The following CAST variants were observed in gnomAD, a reference collection of about 807,000 sequenced individuals.
CAST encodes MIR583 host.
A neutral mutation model predicts 119.6 loss-of-function variants in CAST; 76 were observed. The ratio of observed to expected loss-of-function variants is 0.64; its 90% CI spans 0.53 to 0.77. CAST has a LOEUF of 0.77. Among genes scored for constraint, CAST ranks in the 30% least tolerant of loss-of-function variants. The pLI is 0.00. For synonymous variants in CAST, 319 were observed against 331.6 expected (o/e 0.96, Z 0.41); for missense variants, 953 against 946.5 (o/e 1.01, Z -0.09).
At chr5:96,077,357 C>T in the CAST span, among the ~76,000 whole-genome samples, 1 of 152,108 alleles carries the variant, frequency 6.6e-6, no homozygotes, top group Non-Finnish European at 1.5e-5. Flanking sequence ...ATAACTTTCT[C>T]TGCAATTTTA....
At chr5:96,273,265 A>G in the CAST span, among the ~76,000 whole-genome samples, 2 of 152,204 alleles carry the variant, frequency 1.3e-5, no homozygotes, top group Non-Finnish European at 2.9e-5. Flanking sequence ...GTGAAGTGCC[A>G]TCATGGAACT....
At chr5:96,639,262 G>C (rs1747921930) in intron 1 of CAST, among the ~76,000 whole-genome samples, 1 of 152,186 alleles carries the variant, frequency 6.6e-6, no homozygotes, top group Non-Finnish European at 1.5e-5. Flanking sequence ...ATGATCCTAG[G>C]AAGAGGGCAG....
the CAST span, among the ~76,000 whole-genome samples, chr5:96,172,337 T>A: frequency 6.6e-6 from 1 of 152,244 alleles, no homozygotes; most frequent in African/African-American, 2.4e-5. Flanking sequence ...TCTTTTGTGA[T>A]TCTTCAGTTA....
upstream of CAST, among the ~76,000 whole-genome samples, chr5:96,521,039 A>G (rs1745508339): frequency 6.6e-6 from 1 of 152,096 alleles, no homozygotes; most frequent in Non-Finnish European, 1.5e-5. Flanking sequence ...GAATCTTTGG[A>G]AGATTCAGAA....
the CAST span, among the ~76,000 whole-genome samples, chr5:96,251,113 A>T: frequency 6.6e-6 from 1 of 152,184 alleles, no homozygotes; most frequent in South Asian, 2.1e-4. Context: ...ATATTTACCA[A>T]GGGTCCTTAC....
chr5:96,026,291 G>T, the CAST span, among the ~76,000 whole-genome samples: 1 of 152,050 alleles, frequency 6.6e-6, no homozygotes, highest in Non-Finnish European at 1.5e-5. Context: ...GGGTTATGGT[G>T]GGACAGTGAT....
At chr5:96,183,680 G>C in the CAST span, among the ~76,000 whole-genome samples, 3 of 152,126 alleles carry the variant, frequency 2.0e-5, no homozygotes, top group South Asian at 6.2e-4. Flanking sequence ...TTTGCTCTTT[G>C]TGGTAGTGTA....
intron 9 of CAST, 39 bp from the exon 10 acceptor site, chr5:96,736,133 A>T (rs765890740): frequency 1.4e-5 from 17 of 1,244,564 alleles, no homozygotes; most frequent in Non-Finnish European, 1.9e-5. Flanking sequence ...AGTTTTATTA[A>T]GGTATGTGAG....
chr5:96,234,396 T>G, the CAST span, among the ~76,000 whole-genome samples: 1 of 152,192 alleles, frequency 6.6e-6, no homozygotes, highest in Non-Finnish European at 1.5e-5. Flanking sequence ...AATATCTGCC[T>G]TACAGTTTGC....
chr5:96,501,103 C>T, the CAST span, among the ~76,000 whole-genome samples: 1 of 152,062 alleles, frequency 6.6e-6, no homozygotes, highest in Non-Finnish European at 1.5e-5. Flanking sequence ...ACCTGAAAAC[C>T]CTGAAAACTT....
At chr5:96,552,643 A>G (rs1746156550) in intron 1 of CAST, among the ~76,000 whole-genome samples, 1 of 152,214 alleles carries the variant, frequency 6.6e-6, no homozygotes, top group Non-Finnish European at 1.5e-5. Context: ...GGTTTTTGAA[A>G]AGATCAACAA....
chr5:96,143,145 T>C, the CAST span, among the ~76,000 whole-genome samples: 1 of 152,206 alleles, frequency 6.6e-6, no homozygotes, highest in East Asian at 1.9e-4. Flanking sequence ...TCAATGACCA[T>C]AATAAGAAGT....
chr5:96,362,916 G>T, the CAST span, among the ~76,000 whole-genome samples: 8 of 152,158 alleles, frequency 5.3e-5, no homozygotes, highest in African/African-American at 1.9e-4. Context: ...GCCCATGCCT[G>T]TGTCCTGAAT....
At chr5:96,434,652 GC>G in the CAST span, among the ~76,000 whole-genome samples, 62 of 150,048 alleles carry the variant, frequency 4.1e-4, no homozygotes, top group Non-Finnish European at 6.9e-4. Context: ...AAGCTCAACC[GC>G]CCGAGGGCGC....
At chr5:96,557,394 A>G (rs1430259954) in intron 1 of CAST, among the ~76,000 whole-genome samples, 1 of 152,102 alleles carries the variant, frequency 6.6e-6, no homozygotes, top group Non-Finnish European at 1.5e-5. Context: ...TAAATGCTCC[A>G]ATTAAAAGAC....
the CAST span, among the ~76,000 whole-genome samples, chr5:96,227,297 A>C: frequency 6.6e-6 from 1 of 152,370 alleles, no homozygotes; most frequent in East Asian, 1.9e-4. Flanking sequence ...TTAAAAGAAG[A>C]TAATCACTTG....
At chr5:96,726,673 C>T in intron 4 of CAST, 121 bp from the exon 5 acceptor site, 1 of 649,710 alleles carries the variant, frequency 1.5e-6, no homozygotes, top group Non-Finnish European at 2.7e-6. Context: ...TACACATATG[C>T]ATCGAGTAGA....
At chr5:96,304,292 G>A in the CAST span, among the ~76,000 whole-genome samples, 1 of 151,426 alleles carries the variant, frequency 6.6e-6, no homozygotes, top group African/African-American at 2.5e-5. Context: ...TTTTTGATGG[G>A]GTTGTTTGTT....
At chr5:96,312,552 A>C in the CAST span, among the ~76,000 whole-genome samples, 2 of 152,078 alleles carry the variant, frequency 1.3e-5, no homozygotes, top group Non-Finnish European at 2.9e-5. Context: ...TGTTTTTGAG[A>C]GGTAAGGCTG....
Sources: allele counts gnomAD v4.1 joint callset (sites outside exome capture counted in the v4.1 genomes callset), GRCh38; gene constraint gnomAD v4.1.1; transcripts MANE v1.5; gene names NCBI Gene and HGNC (gene_info 2026-07-23, HGNC 2026-07-21).